The following HTR4 variants were observed in gnomAD, a reference collection of about 807,000 sequenced individuals.
HTR4 encodes 5-hydroxytryptamine receptor 4.
Under a neutral mutation model 36.8 loss-of-function variants are expected in HTR4, and 16 were observed. The observed-to-expected ratio is 0.43, with a 90% confidence interval of 0.29 to 0.66. The LOEUF (loss-of-function observed/expected upper bound fraction) is 0.66. HTR4 is among the 30% of genes least tolerant of loss of function. HTR4 has a pLI of 0.13. For missense variants in HTR4, 438 were observed against 490.9 expected (o/e 0.89, Z 1.02); for synonymous variants, 189 against 185.1 (o/e 1.02, Z -0.17).
chr5:148,526,076 T>C lies in HTR4; in HGVS notation c.354-2730A>G, dbSNP rs1354314491. Among the ~76,000 whole-genome samples the C allele has an allele frequency of 4.6e-5, 7 of 152,112 alleles. 1 individual carries two copies. The highest frequency in any genetic ancestry group is 4.6e-4 in the Admixed American group (7 of 15,272). ...AAGAAAGAATCCTTCCCCTACAAGT[T>C]CCAGAGGGATAATCGCCCTATTGAT... On this transcript the variant is annotated intron_variant, in intron 4 of 6. Transcript: ENST00000377888.
intron 2 of HTR4, among the ~76,000 whole-genome samples, chr5:148,571,661 T>C (rs75684093): frequency 0.033 from 5,008 of 152,164 alleles, 132 homozygotes; most frequent in South Asian, 0.099. Context: ...GCTGTTTCGA[T>C]AGACAAGACA....
At chr5:148,553,090 C>A (rs1255720223) in intron 2 of HTR4, among the ~76,000 whole-genome samples, 5 of 152,254 alleles carry the variant, frequency 3.3e-5, no homozygotes, top group Non-Finnish European at 1.5e-5. Context: ...TGAGCACCTA[C>A]TCTGTGTTAG....
chr5:148,628,731 T>A (rs945053690), intron 2 of HTR4: 3 of 152,186 alleles, frequency 2.0e-5, no homozygotes, highest in Non-Finnish European at 4.4e-5. Context: ...TTTACAAAAA[T>A]TGTGCTTTGT....
chr5:148,534,846 A>T (rs1026819904), intron 4 of HTR4, among the ~76,000 whole-genome samples: 6 of 151,956 alleles, frequency 3.9e-5, no homozygotes, highest in Non-Finnish European at 8.8e-5. Flanking sequence ...CACAACCACT[A>T]CTAAGGTCCC....
At chr5:148,545,895 C>G (rs541491431) in intron 4 of HTR4, among the ~76,000 whole-genome samples, 24 of 152,206 alleles carry the variant, frequency 1.6e-4, no homozygotes, top group African/African-American at 5.1e-4. Context: ...AAAAGGATGG[C>G]TTTTGATCTT....
intron 5 of HTR4, among the ~76,000 whole-genome samples, chr5:148,456,010 G>A (rs1377711946): frequency 6.6e-6 from 1 of 151,938 alleles, no homozygotes; most frequent in East Asian, 1.9e-4. Context: ...GGACCCAGAC[G>A]GTTCAAACCC....
chr5:148,503,456 A>G (rs1385518337), intron 6 of HTR4, among the ~76,000 whole-genome samples: 3 of 152,188 alleles, frequency 2.0e-5, no homozygotes, highest in African/African-American at 7.2e-5. Flanking sequence ...AGATTTTGTC[A>G]CCACCAGGCC....
chr5:148,456,152 C>A (rs1198610921), intron 5 of HTR4, among the ~76,000 whole-genome samples: 1 of 152,148 alleles, frequency 6.6e-6, no homozygotes, highest in Non-Finnish European at 1.5e-5. Context: ...CAGCACATCC[C>A]AACTGGAGTC....
intron 1 of HTR4, chr5:148,646,039 T>C (rs1421525515): frequency 6.6e-6 from 1 of 152,284 alleles, no homozygotes. Context: ...TACAGAATTA[T>C]GCTGTTGACA....
chr5:148,497,364 T>C (rs1233038259), intron 6 of HTR4, among the ~76,000 whole-genome samples: 1 of 152,198 alleles, frequency 6.6e-6, no homozygotes, highest in African/African-American at 2.4e-5. Context: ...AATATCTTAT[T>C]ACTTTTCACA....
rs1048902462 is a variant in HTR4 at position 148,612,001 on chromosome 5, A to C, written c.26+24988T>G. Among the ~76,000 whole-genome samples, 48 of 152,314 alleles carry C rather than the reference A, an allele frequency of 3.2e-4. No homozygotes were observed. In the South Asian group the frequency reaches 4.6e-3, roughly 14 times the overall value. On this transcript the variant is annotated intron_variant, in intron 2 of 6. Transcript: ENST00000377888. ...AACTATTCTAAATATATATGCACCC[A>C]ATACAGGAGCACCCAGATTCATAAA...
intron 2 of HTR4, among the ~76,000 whole-genome samples, chr5:148,552,309 C>T (rs1040602840): frequency 6.6e-6 from 1 of 152,216 alleles, no homozygotes; most frequent in Non-Finnish European, 1.5e-5. Flanking sequence ...CCCTTCTACA[C>T]TTAAGTTCTA....
chr5:148,497,518 A>G (rs1455469563), intron 6 of HTR4, among the ~76,000 whole-genome samples: 1 of 152,240 alleles, frequency 6.6e-6, no homozygotes, highest in Non-Finnish European at 1.5e-5. Context: ...GTTGACCACA[A>G]GAGATGATAA....
intron 6 of HTR4, among the ~76,000 whole-genome samples, chr5:148,503,237 A>G (rs1365284557): frequency 6.7e-6 from 1 of 149,722 alleles, no homozygotes; most frequent in Non-Finnish European, 1.5e-5. Context: ...AAGGGCAGCC[A>G]GAGAGAAAGG....
intron 2 of HTR4, among the ~76,000 whole-genome samples, chr5:148,594,685 C>A (rs764910817): frequency 1.3e-5 from 2 of 152,276 alleles, no homozygotes; most frequent in Middle Eastern, 3.4e-3. Context: ...AATCACTGAT[C>A]TACCGCAACC....
chr5:148,578,018 A>G (rs1485764400), intron 2 of HTR4, among the ~76,000 whole-genome samples: 1 of 152,074 alleles, frequency 6.6e-6, no homozygotes. Flanking sequence ...AAGTTGTCAA[A>G]TGATATATGA....
intron 5 of HTR4, among the ~76,000 whole-genome samples, chr5:148,465,630 G>C (rs1246655426): frequency 6.6e-6 from 1 of 152,028 alleles, no homozygotes; most frequent in Non-Finnish European, 1.5e-5. Flanking sequence ...TCCCAGAACA[G>C]GGAAGAAGCC....
At chr5:148,608,133 T>C (rs1440807901) in intron 2 of HTR4, among the ~76,000 whole-genome samples, 2 of 152,204 alleles carry the variant, frequency 1.3e-5, no homozygotes, top group Non-Finnish European at 2.9e-5. Context: ...TATCAAGCGA[T>C]AACTAAGGCT....
intron 2 of HTR4, among the ~76,000 whole-genome samples, chr5:148,588,826 G>T (rs918310969): frequency 6.6e-6 from 1 of 151,666 alleles, no homozygotes; most frequent in East Asian, 1.9e-4. Flanking sequence ...AGGCGTGAGG[G>T]TTTTAATTCT....
Sources: allele counts gnomAD v4.1 joint callset (sites outside exome capture counted in the v4.1 genomes callset), GRCh38; gene constraint gnomAD v4.1.1; transcripts MANE v1.5; gene names NCBI Gene and HGNC (gene_info 2026-07-23, HGNC 2026-07-21).